Variants in SSBP2 observed in about 807,000 individuals in gnomAD.
The protein encoded by SSBP2 is single-stranded DNA-binding protein 2.
A neutral mutation model predicts 61.8 loss-of-function variants in SSBP2; 17 were observed. That is an observed-to-expected ratio of 0.28 (90% CI 0.19 to 0.41). The LOEUF (loss-of-function observed/expected upper bound fraction) is 0.41. Among genes scored for constraint, SSBP2 ranks in the 10% least tolerant of loss-of-function variants. The pLI is 1.00. For synonymous variants in SSBP2, 139 were observed against 141.3 expected (o/e 0.98, Z 0.12); for missense variants, 310 against 458.7 (o/e 0.68, Z 2.96).
At chr5:81,604,583 GACAA>G (rs1248613111) in intron 4 of SSBP2, among the ~76,000 whole-genome samples, 1 of 151,644 alleles carries the variant, frequency 6.6e-6, no homozygotes, top group African/African-American at 2.4e-5. Context: ...GCTGATCCAA[GACAA>G]ACAAAAATCT....
chr5:81,466,524 G>A (rs934266476), intron 9 of SSBP2, among the ~76,000 whole-genome samples: 2 of 151,798 alleles, frequency 1.3e-5, no homozygotes, highest in Non-Finnish European at 2.9e-5. Flanking sequence ...ATGTATTTAT[G>A]AGTTAAAAAC....
At chr5:81,651,817 T>C (rs1301470901) in intron 1 of SSBP2, among the ~76,000 whole-genome samples, 1 of 152,140 alleles carries the variant, frequency 6.6e-6, no homozygotes, top group Non-Finnish European at 1.5e-5. Context: ...CCCCACACCT[T>C]GTTCCCTCCA....
At chr5:81,537,491 C>T (rs567522917) in intron 4 of SSBP2, among the ~76,000 whole-genome samples, 6 of 152,168 alleles carry the variant, frequency 3.9e-5, no homozygotes, top group African/African-American at 1.4e-4. Flanking sequence ...AGAGACATAC[C>T]TCACTTTATT....
At chr5:81,637,996 C>T (rs969116923) in intron 2 of SSBP2, among the ~76,000 whole-genome samples, 10 of 151,080 alleles carry the variant, frequency 6.6e-5, no homozygotes, top group East Asian at 1.9e-4. Flanking sequence ...AGCAAACTTT[C>T]GCAAGAACAA....
chr5:81,481,558 T>C (rs993104731), intron 6 of SSBP2, among the ~76,000 whole-genome samples: 1 of 150,738 alleles, frequency 6.6e-6, no homozygotes, highest in Non-Finnish European at 1.5e-5. Flanking sequence ...AGGTGGAGGT[T>C]GCAGTGAGCC....
intron 1 of SSBP2, among the ~76,000 whole-genome samples, chr5:81,714,731 CT>C (rs1755056536): frequency 1.3e-5 from 2 of 152,170 alleles, no homozygotes; most frequent in Admixed American, 1.3e-4. Context: ...CCTTCAACCA[CT>C]TTTTGATGGG....
chr5:81,656,223 T>C lies in SSBP2; in HGVS notation c.63-5884A>G, dbSNP rs755179345. Reference sequence around the variant, plus strand: ...TGCACCACCACGCCCAGCTAATTTTTGTATTTTTATTAGAGACAGGGTTTC... The same window carrying C: ...TGCACCACCACGCCCAGCTAATTTTCGTATTTTTATTAGAGACAGGGTTTC... On this transcript the variant is annotated intron_variant, in intron 1 of 16. Transcript: ENST00000320672. Among the ~76,000 whole-genome samples the C allele has an allele frequency of 1.1e-3, 173 of 152,100 alleles. 5 individuals carry two copies. Among genetic ancestry groups the C allele is most frequent in the Admixed American group, 5.9e-4 (9 of 15,260 alleles).
intron 1 of SSBP2, among the ~76,000 whole-genome samples, chr5:81,720,929 A>G (rs892778835): frequency 6.6e-6 from 1 of 152,206 alleles, no homozygotes; most frequent in African/African-American, 2.4e-5. Context: ...TAGCACATCA[A>G]TAACCTGGGG....
chr5:81,554,757 T>C (rs1445849920), intron 4 of SSBP2, among the ~76,000 whole-genome samples: 1 of 152,122 alleles, frequency 6.6e-6, no homozygotes, highest in Non-Finnish European at 1.5e-5. Context: ...ATCCTAAGCT[T>C]TTATACTAAG....
intron 1 of SSBP2, among the ~76,000 whole-genome samples, chr5:81,686,621 C>T (rs1199068581): frequency 6.6e-6 from 1 of 151,776 alleles, no homozygotes; most frequent in African/African-American, 2.4e-5. Flanking sequence ...CTTTGGGAGG[C>T]TGAGGCAGGC....
intron 8 of SSBP2, 112 bp from the exon 9 acceptor site, chr5:81,467,177 T>C (rs1175635393): frequency 1.4e-5 from 8 of 567,320 alleles, no homozygotes; most frequent in Non-Finnish European, 2.2e-5. Flanking sequence ...ATTCATTCTC[T>C]GAGGGGTCCA....
rs542040649 is a variant in SSBP2, at chr5:81,532,680, T to A, written c.283-18963A>T. On this transcript the variant is annotated intron_variant, in intron 4 of 16. Transcript: ENST00000320672. Reference sequence around the variant, plus strand: ...AAACAACTTTATGTATAAGACAAATTTAATATTAATGGCATAGAAAAGAAT... The same window carrying A: ...AAACAACTTTATGTATAAGACAAATATAATATTAATGGCATAGAAAAGAAT... Among the ~76,000 whole-genome samples, 4 of 152,006 alleles carry A rather than the reference T, an allele frequency of 2.6e-5. No individual in the cohort carries two copies. In the East Asian group the frequency reaches 7.8e-4, roughly 29 times the overall value.
In SSBP2 at chr5:81,448,782, G is replaced by A; in HGVS notation, c.723+8C>T. 1.2e-6 allele frequency: 2 copies of A among 1,611,924 alleles called. No individual in the cohort carries two copies. The highest frequency in any genetic ancestry group is 1.7e-6 in the Non-Finnish European group (2 of 1,178,916). On this transcript the variant is annotated splice_region_variant and intron_variant, in intron 11 of 16. Transcript: ENST00000320672. The stretch of plus-strand genomic sequence containing the variant: ...TTCTTATAAGCAAACAAACCCAAAT[G>A]TACTTACTACATAATTCCCAGGAGA...
chr5:81,514,551 A>G (rs1338947667), intron 4 of SSBP2, among the ~76,000 whole-genome samples: 1 of 152,058 alleles, frequency 6.6e-6, no homozygotes. Flanking sequence ...TAGACATATT[A>G]CAAATACTAA....
chr5:81,562,522 A>G (rs1773127993), intron 4 of SSBP2, among the ~76,000 whole-genome samples: 1 of 152,204 alleles, frequency 6.6e-6, no homozygotes, highest in Admixed American at 6.5e-5. Context: ...CAATCGATAC[A>G]ATGTAAATAT....
In SSBP2 at chr5:81,720,409, G is replaced by A. The variant is rs531197833; in HGVS notation, c.62+30572C>T. ...CACAGCCTACCAAAATAATGACATGGTCTTTGCTACAACTTCTGAGAAAGT... is the reference window on the plus strand; with the variant it reads ...CACAGCCTACCAAAATAATGACATGATCTTTGCTACAACTTCTGAGAAAGT... On this transcript the variant is annotated intron_variant, in intron 1 of 16. Coordinates refer to ENST00000320672, the MANE Select transcript of SSBP2 (RefSeq NM_012446.5). Among the ~76,000 whole-genome samples, 9 of 152,262 alleles carry A rather than the reference G, an allele frequency of 5.9e-5. No homozygotes were observed. In the South Asian group the frequency reaches 1.9e-3, roughly 32 times the overall value.
intron 10 of SSBP2, among the ~76,000 whole-genome samples, chr5:81,449,218 TTTG>T (rs1221573477): frequency 6.6e-6 from 1 of 152,126 alleles, no homozygotes; most frequent in African/African-American, 2.4e-5. Flanking sequence ...GCAAAAAAAG[TTTG>T]TTAATACGAG....
intron 4 of SSBP2, among the ~76,000 whole-genome samples, chr5:81,567,937 A>G (rs1446099236): frequency 3.3e-5 from 5 of 152,176 alleles, no homozygotes; most frequent in Non-Finnish European, 7.3e-5. Context: ...TACCCCCTGT[A>G]TCTAGGAAAT....
chr5:81,674,264 C>G (rs1031579551), intron 1 of SSBP2, among the ~76,000 whole-genome samples: 1 of 152,148 alleles, frequency 6.6e-6, no homozygotes, highest in Non-Finnish European at 1.5e-5. Flanking sequence ...CAAGCTCACA[C>G]GTCAAAGTTA....
Sources: allele counts gnomAD v4.1 joint callset (sites outside exome capture counted in the v4.1 genomes callset), GRCh38; gene constraint gnomAD v4.1.1; transcripts MANE v1.5; gene names NCBI Gene and HGNC (gene_info 2026-07-23, HGNC 2026-07-21).